Variants in GLE1 observed in about 807,000 individuals in gnomAD.
GLE1 encodes the protein mRNA export factor GLE1.
In GLE1, 78 loss-of-function variants were observed where a neutral mutation model predicts 97.3. The observed-to-expected ratio is 0.80, with a 90% confidence interval of 0.67 to 0.97. The LOEUF (loss-of-function observed/expected upper bound fraction) is 0.97. Among genes scored for constraint, GLE1 ranks in the 50% least tolerant of loss-of-function variants. The probability of loss-of-function intolerance (pLI) is 0.00; values close to 1 mark genes in which losing one functional copy is unlikely to be tolerated. For synonymous variants in GLE1, 302 were observed against 313.4 expected (o/e 0.96, Z 0.39); for missense variants, 753 against 857.5 (o/e 0.88, Z 1.52).
intron 3 of GLE1, among the ~76,000 whole-genome samples, chr9:128,521,227 T>C (rs1212562915): frequency 6.6e-6 from 1 of 152,178 alleles, no homozygotes; most frequent in African/African-American, 2.4e-5. Flanking sequence ...CTTCTTTCGC[T>C]GGAAGCTTTA....
intron 9 of GLE1, chr9:128,528,908 G>C (rs913347617): frequency 6.6e-5 from 10 of 152,200 alleles, no homozygotes; most frequent in African/African-American, 1.9e-4. Flanking sequence ...CCAGATTATA[G>C]ACTGAGCTGC....
intron 2 of GLE1, among the ~76,000 whole-genome samples, chr9:128,513,943 G>T (rs574966548): frequency 6.6e-6 from 1 of 150,888 alleles, no homozygotes; most frequent in African/African-American, 2.4e-5. Context: ...GCATGAACCC[G>T]GGAGGCAGAG....
In GLE1 at chr9:128,527,450, T is replaced by C. The variant is rs1589060345; in HGVS notation, c.1243-6T>C. The C allele has an allele frequency of 1.2e-6, 2 of 1,608,254 alleles. No individual in the cohort carries two copies. The highest frequency in any genetic ancestry group is 1.7e-4 in the Middle Eastern group (1 of 6,052). ...ACACTGCTTTCTCACTGTTCTCTTC[T>C]GGCAGGCCAAAAAGATAAAGATGGA... On this transcript the variant is annotated splice_region_variant and splice_polypyrimidine_tract_variant and intron_variant, in intron 8 of 15. Transcript: ENST00000309971.
intron 2 of GLE1, among the ~76,000 whole-genome samples, chr9:128,510,867 T>C (rs1382892238): frequency 6.6e-6 from 1 of 151,184 alleles, no homozygotes. Flanking sequence ...TAGAAAGTAT[T>C]TTTTTTCTAT....
Position 128,521,039 on chromosome 9 carries a change from G to C in GLE1, c.433-1629G>C, listed in dbSNP as rs189534997. 3.6e-3 allele frequency among the ~76,000 whole-genome samples: 541 copies of C among 152,244 alleles called. 3 individuals are homozygous for C. The highest frequency in any genetic ancestry group is 0.012 in the African/African-American group (506 of 41,560). On this transcript the variant is annotated intron_variant, in intron 3 of 15. Coordinates refer to ENST00000309971, the MANE Select transcript of GLE1 (RefSeq NM_001003722.2). ...GGCCTCCTCAAGTGCTGGGATTACA[G>C]ATCTCAGCCAGTGCACCTGGCTATT...
Position 128,504,800 on chromosome 9 carries a change from C to G in GLE1, c.-6C>G. 1 of 1,595,470 alleles carries G rather than the reference C, an allele frequency of 6.3e-7. No individual in the cohort carries two copies. ...GGGCGTCAGAGAAGCTGCCCCTTAGCCAACCATGCCGTCTGAGGGTCGCTG... is the reference window on the plus strand; with the variant it reads ...GGGCGTCAGAGAAGCTGCCCCTTAGGCAACCATGCCGTCTGAGGGTCGCTG... On this transcript the variant is annotated 5_prime_UTR_variant, in exon 1 of 16. Coordinates refer to ENST00000309971, the MANE Select transcript of GLE1 (RefSeq NM_001003722.2).
At chr9:128,516,912 C>T (rs1448392592) in intron 3 of GLE1, among the ~76,000 whole-genome samples, 1 of 152,090 alleles carries the variant, frequency 6.6e-6, no homozygotes, top group African/African-American at 2.4e-5. Context: ...AGGCATAAGC[C>T]ACTGCGCCCA....
intron 9 of GLE1, among the ~76,000 whole-genome samples, chr9:128,531,638 G>T (rs1847511328): frequency 2.0e-5 from 3 of 151,284 alleles, no homozygotes; most frequent in African/African-American, 7.3e-5. Context: ...TTGAGATCAG[G>T]CTGGCCAACA....
intron 2 of GLE1, among the ~76,000 whole-genome samples, chr9:128,511,873 G>A (rs1369803636): frequency 2.6e-5 from 4 of 152,056 alleles, no homozygotes; most frequent in African/African-American, 9.7e-5. Context: ...GTGCAATGGT[G>A]CAATCTCGGC....
At chr9:128,537,029 A>G (rs370125091) in intron 12 of GLE1, 1 of 159,824 alleles carries the variant, frequency 6.3e-6, no homozygotes, top group South Asian at 1.8e-4. Flanking sequence ...GTTCTGTGCT[A>G]AAGGTACCAA....
At chr9:128,523,394 C>T (rs1326979999) in intron 5 of GLE1, 54 bp downstream of exon 5, 2 of 1,512,552 alleles carry the variant, frequency 1.3e-6, no homozygotes, top group Admixed American at 1.7e-5. Flanking sequence ...TGTAACCTGC[C>T]TGGAGAGCCA....
intron 3 of GLE1, among the ~76,000 whole-genome samples, chr9:128,522,448 A>G (rs1034120152): frequency 6.6e-6 from 1 of 152,092 alleles, no homozygotes; most frequent in African/African-American, 2.4e-5. Context: ...CAAGGTCAAG[A>G]GATCAAGACC....
intron 11 of GLE1, among the ~76,000 whole-genome samples, chr9:128,536,031 T>C (rs1847697778): frequency 6.6e-6 from 1 of 152,106 alleles, no homozygotes; most frequent in Non-Finnish European, 1.5e-5. Context: ...TCCCAGTGAA[T>C]TTTTTCTTAT....
intron 3 of GLE1, among the ~76,000 whole-genome samples, chr9:128,517,573 A>G (rs188879844): frequency 2.6e-5 from 4 of 152,326 alleles, no homozygotes; most frequent in East Asian, 1.9e-4. Context: ...CTAATTCTGC[A>G]TATCAGAGTT....
In GLE1 at chr9:128,504,795, C is replaced by G. The variant is rs186877018; in HGVS notation, c.-11C>G. ...AAGGGGGGCGTCAGAGAAGCTGCCC[C>G]TTAGCCAACCATGCCGTCTGAGGGT... is the stretch of plus-strand genomic sequence containing the variant. On this transcript the variant is annotated 5_prime_UTR_variant, in exon 1 of 16. Coordinates refer to ENST00000309971, the MANE Select transcript of GLE1 (RefSeq NM_001003722.2). 434 of 1,586,690 alleles carry G rather than the reference C, an allele frequency of 2.7e-4. 1 individual carries two copies. The African/African-American group carries it at 4.8e-3, about 18-fold the overall frequency.
chr9:128,528,912 G>C (rs1441867974), intron 9 of GLE1: 1 of 152,238 alleles, frequency 6.6e-6, no homozygotes, highest in Non-Finnish European at 1.5e-5. Flanking sequence ...ATTATAGACT[G>C]AGCTGCCAGG....
At chr9:128,507,045 A>G (rs1479430609) in intron 1 of GLE1, among the ~76,000 whole-genome samples, 3 of 152,036 alleles carry the variant, frequency 2.0e-5, no homozygotes, top group African/African-American at 7.2e-5. Flanking sequence ...CTCATCTTAT[A>G]TTTTTCTGCC....
chr9:128,513,061 G>A (rs948849642), intron 2 of GLE1, among the ~76,000 whole-genome samples: 70 of 152,208 alleles, frequency 4.6e-4, no homozygotes, highest in African/African-American at 1.6e-3. Flanking sequence ...GGAATTTTTG[G>A]TATTTACGTA....
intron 9 of GLE1, among the ~76,000 whole-genome samples, chr9:128,530,095 T>C (rs1417411753): frequency 6.6e-6 from 1 of 152,034 alleles, no homozygotes; most frequent in African/African-American, 2.4e-5. Context: ...TGTGCCCGGC[T>C]GGGATCTACT....
Sources: gnomAD v4.1 joint callset for allele counts (sites outside exome capture counted in the v4.1 genomes callset) on GRCh38, gnomAD v4.1.1 for gene constraint, MANE v1.5 for transcripts, NCBI Gene and HGNC (gene_info 2026-07-23, HGNC 2026-07-21) for gene names.